Variants in LRRC7 observed in about 807,000 individuals in gnomAD.
LRRC7 encodes leucine rich repeat containing 7, also known as leucine-rich repeat-containing protein 7.
Under a neutral mutation model 175.7 loss-of-function variants are expected in LRRC7, and 23 were observed. The ratio of observed to expected loss-of-function variants is 0.13; its 90% CI spans 0.09 to 0.19. The LOEUF (loss-of-function observed/expected upper bound fraction) is 0.19. Ranked by LOEUF, LRRC7 falls within the 10% of genes least tolerant of loss-of-function variation. The probability of loss-of-function intolerance (pLI) is 1.00; values close to 1 mark genes in which losing one functional copy is unlikely to be tolerated. For missense variants in LRRC7, 1,354 were observed against 1,904.7 expected (o/e 0.71, Z 5.38); for synonymous variants, 685 against 680.9 (o/e 1.01, Z -0.09).
chr1:69,991,153 A>G (rs1462484553), intron 10 of LRRC7, among the ~76,000 whole-genome samples: 3 of 20,640 alleles, frequency 1.5e-4, no homozygotes, highest in African/African-American at 3.0e-4. Flanking sequence ...GGGACCTTTT[A>G]TCAAAAAAAA....
intron 5 of LRRC7, among the ~76,000 whole-genome samples, chr1:69,832,680 T>A (rs1159485320): frequency 6.6e-6 from 1 of 152,138 alleles, no homozygotes. Flanking sequence ...CTAGTAAACA[T>A]AGACTTGCAT....
At chr1:69,834,281 G>A (rs17131042) in intron 5 of LRRC7, among the ~76,000 whole-genome samples, 2 of 151,914 alleles carry the variant, frequency 1.3e-5, no homozygotes, top group Non-Finnish European at 1.5e-5. Context: ...TTAGTTAAGG[G>A]GACAACATAC....
intron 1 of LRRC7, among the ~76,000 whole-genome samples, chr1:69,633,243 G>A (rs1202509656): frequency 5.3e-5 from 8 of 151,888 alleles, no homozygotes; most frequent in Non-Finnish European, 7.4e-5. Context: ...TACAATTACT[G>A]TCCTTTTTAT....
At chr1:69,876,688 C>T (rs920197595) in intron 7 of LRRC7, among the ~76,000 whole-genome samples, 7 of 152,074 alleles carry the variant, frequency 4.6e-5, no homozygotes, top group African/African-American at 1.4e-4. Flanking sequence ...AGCTCTTCAT[C>T]GCCTCTTGTG....
chr1:70,002,589 G>T (rs76476002), intron 11 of LRRC7, among the ~76,000 whole-genome samples: 2,009 of 151,940 alleles, frequency 0.013, 42 homozygotes, highest in African/African-American at 0.044. Flanking sequence ...TTCCTTCATT[G>T]TGCCAAGAGA....
chr1:69,897,621 T>C (rs1205756123), intron 7 of LRRC7, among the ~76,000 whole-genome samples: 1 of 152,192 alleles, frequency 6.6e-6, no homozygotes, highest in African/African-American at 2.4e-5. Flanking sequence ...GAATGCTTCA[T>C]AGAATCAATT....
intron 3 of LRRC7, among the ~76,000 whole-genome samples, chr1:69,776,266 G>A (rs1039128498): frequency 6.6e-6 from 1 of 152,126 alleles, no homozygotes; most frequent in Non-Finnish European, 1.5e-5. Flanking sequence ...TATGTGAAAT[G>A]TGAGTATGGT....
At chr1:69,934,500 G>GGGGGC (rs147731200) in intron 8 of LRRC7, among the ~76,000 whole-genome samples, 4 of 86,012 alleles carry the variant, frequency 4.7e-5, no homozygotes, top group African/African-American at 7.1e-5. Context: ...TTGGCGGGGG[G>GGGGGC]GGGGCGGGGG....
intron 2 of LRRC7, among the ~76,000 whole-genome samples, chr1:69,716,781 A>T (rs999750371): frequency 6.6e-6 from 1 of 151,876 alleles, no homozygotes; most frequent in Admixed American, 6.6e-5. Context: ...TGATGAAAGC[A>T]TGCAATGTTT....
intron 1 of LRRC7, among the ~76,000 whole-genome samples, chr1:69,623,195 AC>A (rs1650919260): frequency 6.6e-6 from 1 of 152,234 alleles, no homozygotes; most frequent in Admixed American, 6.5e-5. Flanking sequence ...AACTCCAACC[AC>A]AGGAACATGA....
intron 8 of LRRC7, among the ~76,000 whole-genome samples, chr1:69,979,062 TGAAGTTCCCAG>T (rs1475413029): frequency 6.6e-6 from 1 of 152,194 alleles, no homozygotes; most frequent in East Asian, 1.9e-4. Flanking sequence ...TTGTCATGCG[TGAAGTTCCCAG>T]GACTGCAGAG....
intron 4 of LRRC7, among the ~76,000 whole-genome samples, chr1:69,804,407 A>G (rs1331446906): frequency 6.6e-6 from 1 of 151,486 alleles, no homozygotes; most frequent in Non-Finnish European, 1.5e-5. Flanking sequence ...TACTTGAAAT[A>G]TTTACCTTCT....
In LRRC7 at chr1:69,825,260, G is replaced by C. The variant is rs142980914; in HGVS notation, c.422-488G>C. Among the ~76,000 whole-genome samples the C allele has an allele frequency of 3.9e-3, 600 of 152,158 alleles. 3 individuals are homozygous for C. Among genetic ancestry groups the C allele is most frequent in the African/African-American group, 0.013 (556 of 41,532 alleles). On this transcript the variant is annotated intron_variant, in intron 4 of 26. Transcript: ENST00000651989. The stretch of plus-strand genomic sequence containing the variant: ...TTTAGCAGAGCCCCATATTAGTTTG[G>C]GAATATCTATCAGTTTTGGGTGTAT...
intron 2 of LRRC7, among the ~76,000 whole-genome samples, chr1:69,744,168 A>G (rs1217733483): frequency 6.6e-6 from 1 of 151,916 alleles, no homozygotes; most frequent in Non-Finnish European, 1.5e-5. Context: ...TAAGAAGGTT[A>G]AGTGACTACT....
At chr1:70,117,528 A>G (rs925404126) in intron 26 of LRRC7, among the ~76,000 whole-genome samples, 1 of 152,176 alleles carries the variant, frequency 6.6e-6, no homozygotes, top group African/African-American at 2.4e-5. Context: ...CTAAATCATG[A>G]AAAGAGACAA....
At chr1:69,573,707 A>G (rs928191338) in intron 1 of LRRC7, among the ~76,000 whole-genome samples, 12 of 147,148 alleles carry the variant, frequency 8.2e-5, no homozygotes, top group Non-Finnish European at 1.7e-4. Context: ...GAAAAATATT[A>G]AATACATTAA....
At chr1:69,979,219 C>G (rs1003740118) in intron 8 of LRRC7, among the ~76,000 whole-genome samples, 1 of 152,124 alleles carries the variant, frequency 6.6e-6, no homozygotes, top group Non-Finnish European at 1.5e-5. Flanking sequence ...TAGCTGAGGC[C>G]TTAATCATCT....
At chr1:69,625,293 AT>A (rs1651300033) in intron 1 of LRRC7, among the ~76,000 whole-genome samples, 1 of 150,340 alleles carries the variant, frequency 6.7e-6, no homozygotes, top group African/African-American at 2.4e-5. Flanking sequence ...TTCTTTAACA[AT>A]TTTTTATATT....
At chr1:69,889,399 A>T (rs544190265) in intron 7 of LRRC7, among the ~76,000 whole-genome samples, 1 of 152,344 alleles carries the variant, frequency 6.6e-6, no homozygotes, top group Middle Eastern at 3.4e-3. Context: ...ATTTGAGTCT[A>T]TCCTCTCAAA....
Sources: allele counts gnomAD v4.1 joint callset (sites outside exome capture counted in the v4.1 genomes callset), GRCh38; gene constraint gnomAD v4.1.1; transcripts MANE v1.5; gene names NCBI Gene and HGNC (gene_info 2026-07-23, HGNC 2026-07-21).